SPECC1: variants seen among roughly 807,000 people sequenced by gnomAD.
SPECC1 encodes the protein cytospin-B.
A neutral mutation model predicts 104.1 loss-of-function variants in SPECC1; 62 were observed. That is an observed-to-expected ratio of 0.60 (90% CI 0.49 to 0.74). The LOEUF (loss-of-function observed/expected upper bound fraction) is 0.74, where lower values mean the gene tolerates loss of function less well. SPECC1 is among the 30% of genes least tolerant of loss of function. SPECC1 has a pLI of 0.00. For synonymous variants in SPECC1, 513 were observed against 501.6 expected (o/e 1.02, Z -0.30); for missense variants, 1,306 against 1,310.5 (o/e 1.00, Z 0.05).
chr17:20,088,986 C>T (rs114390564), intron 1 of SPECC1, among the ~76,000 whole-genome samples: 309 of 152,356 alleles, frequency 2.0e-3, no homozygotes, highest in African/African-American at 7.2e-3. Flanking sequence ...ACTGAATCTG[C>T]TGGTGCCTTG....
chr17:20,295,253 G>A (rs2142013410), intron 12 of SPECC1, among the ~76,000 whole-genome samples: 1 of 142,616 alleles, frequency 7.0e-6, no homozygotes, highest in South Asian at 2.2e-4. Flanking sequence ...TCCCACCTAT[G>A]AGTGAGAACA....
intron 3 of SPECC1, among the ~76,000 whole-genome samples, chr17:20,117,292 A>C (rs1193711401): frequency 1.3e-5 from 2 of 152,302 alleles, no homozygotes; most frequent in Non-Finnish European, 2.9e-5. Flanking sequence ...CAAGACTACA[A>C]AGAGAAAGCA....
rs945641815 is a variant in SPECC1, at chr17:20,316,868, G to A, written c.*2803G>A. Reference sequence around the variant, plus strand: ...AACCAGCTCTGAGCAATGGCGTTGCGGTGTCCCTCCCTCCCCGCTGGGGCC... The same window carrying A: ...AACCAGCTCTGAGCAATGGCGTTGCAGTGTCCCTCCCTCCCCGCTGGGGCC... On this transcript the variant is annotated 3_prime_UTR_variant, in exon 15 of 15. Transcript: ENST00000395527. 4 of 212,198 alleles carry A rather than the reference G, an allele frequency of 1.9e-5. No homozygotes were observed. Among genetic ancestry groups the A allele is most frequent in the Middle Eastern group, 1.4e-3 (1 of 694 alleles). 13.1% of individuals were successfully genotyped at this position (212,198 alleles called of 1,614,324 possible). A position where few individuals can be genotyped will look rare whatever the true frequency, so the allele number is the denominator to read the frequency against.
chr17:20,234,202 T>G (rs1477529569), intron 7 of SPECC1, among the ~76,000 whole-genome samples: 1 of 152,194 alleles, frequency 6.6e-6, no homozygotes, highest in Non-Finnish European at 1.5e-5. Context: ...TTTTTGATTT[T>G]CCAGTGATTT....
At chr17:20,263,476 A>T (rs1410564774) in intron 12 of SPECC1, among the ~76,000 whole-genome samples, 2 of 151,616 alleles carry the variant, frequency 1.3e-5, no homozygotes, top group Admixed American at 6.6e-5. Context: ...TATGTAACAA[A>T]CCTGCACATT....
intron 3 of SPECC1, among the ~76,000 whole-genome samples, chr17:20,201,118 CTA>C (rs977271335): frequency 1.3e-5 from 2 of 151,776 alleles, no homozygotes; most frequent in African/African-American, 4.8e-5. Context: ...TTGATCTGTT[CTA>C]TATTAATTTT....
chr17:20,116,340 G>GGC (rs1469531671), intron 3 of SPECC1, among the ~76,000 whole-genome samples: 21 of 152,130 alleles, frequency 1.4e-4, no homozygotes, highest in African/African-American at 5.1e-4. Flanking sequence ...CACCCACCTT[G>GGC]GCCTCCCAAA....
intron 12 of SPECC1, among the ~76,000 whole-genome samples, chr17:20,277,779 C>T (rs2040623020): frequency 6.6e-6 from 1 of 152,202 alleles, no homozygotes; most frequent in Admixed American, 6.5e-5. Flanking sequence ...TCCGCTTCGT[C>T]TCTGAATTTA....
At chr17:20,183,185 C>T (rs2151240715) in intron 3 of SPECC1, among the ~76,000 whole-genome samples, 1 of 152,272 alleles carries the variant, frequency 6.6e-6, no homozygotes, top group Non-Finnish European at 1.5e-5. Flanking sequence ...AAAGAAATCA[C>T]TTTTCGACCT....
intron 1 of SPECC1, among the ~76,000 whole-genome samples, chr17:20,033,586 G>A (rs971028920): frequency 3.3e-5 from 5 of 152,208 alleles, no homozygotes; most frequent in African/African-American, 1.2e-4. Context: ...AGGGGAACCA[G>A]TGAGATCACA....
chr17:20,317,288 C>T lies in SPECC1; in HGVS notation c.*3223C>T, dbSNP rs1224895616. On this transcript the variant is annotated 3_prime_UTR_variant, in exon 15 of 15. Coordinates refer to ENST00000395527, the MANE Select transcript of SPECC1 (RefSeq NM_001243439.2). ...TTTTTTTTTTTTTTTTTTGAGAGAG[C>T]GTCTCACTTCTCTGTCACCCAGGCT... 4.7e-5 allele frequency: 1 copy of T among 21,184 alleles called. No homozygotes were observed. Among genetic ancestry groups the T allele is most frequent in the Admixed American group, 4.7e-4 (1 of 2,136 alleles). 1.3% of individuals were successfully genotyped at this position (21,184 alleles called of 1,614,324 possible). A position where few individuals can be genotyped will look rare whatever the true frequency, so the allele number is the denominator to read the frequency against.
chr17:20,118,845 T>A (rs1203925701), intron 3 of SPECC1, among the ~76,000 whole-genome samples: 1 of 152,240 alleles, frequency 6.6e-6, no homozygotes. Context: ...CACAAAATCC[T>A]TCCTCTTCTA....
intron 1 of SPECC1, among the ~76,000 whole-genome samples, chr17:20,055,593 G>A (rs1244986168): frequency 6.6e-6 from 1 of 152,206 alleles, no homozygotes; most frequent in Non-Finnish European, 1.5e-5. Context: ...TAGTCTAGCA[G>A]ATAGGGAATT....
At chr17:20,151,265 T>C (rs1190584710) in intron 3 of SPECC1, among the ~76,000 whole-genome samples, 2 of 152,210 alleles carry the variant, frequency 1.3e-5, no homozygotes, top group Non-Finnish European at 2.9e-5. Context: ...GCTAGTGATA[T>C]GTGGAGCTAC....
chr17:20,085,207 A>G (rs1489133095), intron 1 of SPECC1, among the ~76,000 whole-genome samples: 1 of 152,146 alleles, frequency 6.6e-6, no homozygotes, highest in Non-Finnish European at 1.5e-5. Flanking sequence ...CAGGGGCCTG[A>G]GCACTTGGTG....
At chr17:20,281,467 C>T (rs574207827) in intron 12 of SPECC1, among the ~76,000 whole-genome samples, 12 of 152,268 alleles carry the variant, frequency 7.9e-5, no homozygotes, top group African/African-American at 2.9e-4. Context: ...GACCATGCTT[C>T]CCTGCGGTGT....
intron 1 of SPECC1, among the ~76,000 whole-genome samples, chr17:20,016,601 G>T (rs991126830): frequency 1.3e-5 from 2 of 152,232 alleles, no homozygotes; most frequent in East Asian, 1.9e-4. Context: ...GCAGTGAGGG[G>T]CTTAGCACCT....
intron 1 of SPECC1, among the ~76,000 whole-genome samples, chr17:20,087,537 T>C (rs2047223931): frequency 6.6e-6 from 1 of 152,192 alleles, no homozygotes; most frequent in African/African-American, 2.4e-5. Context: ...ACCTATTTAG[T>C]GAGTGGCTCC....
intron 12 of SPECC1, among the ~76,000 whole-genome samples, chr17:20,286,308 A>G (rs2040943669): frequency 1.3e-5 from 2 of 152,198 alleles, no homozygotes; most frequent in Non-Finnish European, 2.9e-5. Flanking sequence ...GTAACAGCCT[A>G]CAGAATGCCT....
Sources: gnomAD v4.1 joint callset for allele counts (sites outside exome capture counted in the v4.1 genomes callset) on GRCh38, gnomAD v4.1.1 for gene constraint, MANE v1.5 for transcripts, NCBI Gene and HGNC (gene_info 2026-07-23, HGNC 2026-07-21) for gene names.